Variants in ITGB1 observed in about 807,000 individuals in gnomAD.
ITGB1 encodes the protein integrin beta-1.
A neutral mutation model predicts 86.5 loss-of-function variants in ITGB1; 24 were observed. The ratio of observed to expected loss-of-function variants is 0.28; its 90% CI spans 0.20 to 0.39. The LOEUF (loss-of-function observed/expected upper bound fraction) is 0.39, where lower values mean the gene tolerates loss of function less well. ITGB1 is among the 10% of genes least tolerant of loss of function. The probability of loss-of-function intolerance (pLI) is 1.00; values close to 1 mark genes in which losing one functional copy is unlikely to be tolerated. For synonymous variants in ITGB1, 323 were observed against 316.8 expected, an observed-to-expected ratio of 1.02 and a Z score of -0.21; for missense variants, 556 against 946.9, an observed-to-expected ratio of 0.59 and a Z score of 5.42.
chr10:32,917,149 C>G lies in ITGB1; in HGVS notation c.1469+2736G>C, dbSNP rs557255874. On this transcript the variant is annotated intron_variant, in intron 11 of 15. Transcript: ENST00000302278. ...AAACTGGCTAGCCATATGGAGAAAG[C>G]TGAAACTGGATCCCTTCCTTACACC... Among the ~76,000 whole-genome samples the G allele has an allele frequency of 2.4e-3, 359 of 152,290 alleles. 2 individuals are homozygous for G. The highest frequency in any genetic ancestry group is 8.2e-3 in the African/African-American group (341 of 41,568).
At chr10:32,918,181 CT>C (rs1351128141) in intron 11 of ITGB1, among the ~76,000 whole-genome samples, 1 of 152,086 alleles carries the variant, frequency 6.6e-6, no homozygotes, top group African/African-American at 2.4e-5. Flanking sequence ...ACATCACACA[CT>C]GGGGCCTGTC....
At chr10:32,953,679 C>T (rs558061508) in intron 1 of ITGB1, 6 of 152,170 alleles carry the variant, frequency 3.9e-5, no homozygotes, top group Admixed American at 2.0e-4. Flanking sequence ...TGGAAACCAA[C>T]GCTCTGGAAG....
intron 1 of ITGB1, among the ~76,000 whole-genome samples, chr10:32,952,114 A>G (rs535139170): frequency 3.3e-5 from 5 of 152,312 alleles, no homozygotes; most frequent in East Asian, 1.9e-4. Context: ...TAGGAAAAAA[A>G]GTTTCTCATT....
chr10:32,912,915 G>C (rs1448073269), intron 11 of ITGB1, among the ~76,000 whole-genome samples: 2 of 152,212 alleles, frequency 1.3e-5, no homozygotes, highest in Admixed American at 1.3e-4. Context: ...CCTCCTAGTA[G>C]GGGCTGACTG....
At chr10:32,942,200 C>A (rs1221719969) in intron 1 of ITGB1, among the ~76,000 whole-genome samples, 1 of 152,188 alleles carries the variant, frequency 6.6e-6, no homozygotes, top group Non-Finnish European at 1.5e-5. Flanking sequence ...GGGGGTGGAT[C>A]ACCCTAAACA....
At chr10:32,955,069 TG>T (rs1415144216) in intron 1 of ITGB1, among the ~76,000 whole-genome samples, 1 of 152,224 alleles carries the variant, frequency 6.6e-6, no homozygotes, top group Non-Finnish European at 1.5e-5. Flanking sequence ...CCCTTTAAGC[TG>T]GGTACATACC....
At chr10:32,949,313 T>C (rs554404353) in intron 1 of ITGB1, among the ~76,000 whole-genome samples, 2 of 152,290 alleles carry the variant, frequency 1.3e-5, no homozygotes, top group East Asian at 1.9e-4. Context: ...ACCATCTGTA[T>C]CCAGAAGCTA....
chr10:32,913,254 T>C (rs538328523), intron 11 of ITGB1, among the ~76,000 whole-genome samples: 6 of 152,262 alleles, frequency 3.9e-5, no homozygotes, highest in Admixed American at 2.0e-4. Flanking sequence ...TTTGAGCACC[T>C]CTTCTCCTCC....
intron 1 of ITGB1, among the ~76,000 whole-genome samples, chr10:32,947,432 C>CGTGTGTGTGTGTGTGTGTGT (rs1186872641): frequency 0.013 from 1,749 of 137,306 alleles, 38 homozygotes; most frequent in South Asian, 0.027. Flanking sequence ...CACATATAGC[C>CGTGTGTGTGTGTGTGTGTGT]GTGTGTGTGT....
chr10:32,951,006 G>A (rs988304081), intron 1 of ITGB1, among the ~76,000 whole-genome samples: 7 of 152,158 alleles, frequency 4.6e-5, no homozygotes, highest in African/African-American at 7.2e-5. Context: ...GATATAGTAC[G>A]CATTGGCAAA....
intron 11 of ITGB1, among the ~76,000 whole-genome samples, chr10:32,917,886 CG>C (rs2094936978): frequency 6.6e-6 from 1 of 152,140 alleles, no homozygotes; most frequent in African/African-American, 2.4e-5. Context: ...TATAAAGACA[CG>C]TGCACACGTA....
intron 11 of ITGB1, among the ~76,000 whole-genome samples, chr10:32,919,467 C>G (rs1425275251): frequency 6.6e-6 from 1 of 152,172 alleles, no homozygotes; most frequent in Non-Finnish European, 1.5e-5. Flanking sequence ...TAGTACAAGA[C>G]AAACATCTTC....
chr10:32,910,542 G>T, intron 13 of ITGB1, 87 bp from the exon 14 acceptor site: 1 of 859,652 alleles, frequency 1.2e-6, no homozygotes, highest in Non-Finnish European at 1.8e-6. Context: ...CTAAACTCTT[G>T]TGACCAAATT....
intron 1 of ITGB1, among the ~76,000 whole-genome samples, chr10:32,938,978 T>A (rs1039676716): frequency 7.2e-5 from 11 of 152,118 alleles, no homozygotes; most frequent in Admixed American, 6.5e-5. Flanking sequence ...CCTTCCCTTC[T>A]ACCGGTACTG....
chr10:32,905,600 A>T (rs946263564), intron 15 of ITGB1, among the ~76,000 whole-genome samples: 1 of 152,212 alleles, frequency 6.6e-6, no homozygotes, highest in Admixed American at 6.5e-5. Flanking sequence ...CTGGAGCCCA[A>T]CTGCCTGGGT....
At chr10:32,919,282 TCA>T (rs1405416222) in intron 11 of ITGB1, among the ~76,000 whole-genome samples, 2 of 152,226 alleles carry the variant, frequency 1.3e-5, no homozygotes, top group Non-Finnish European at 2.9e-5. Flanking sequence ...CAATGTATAC[TCA>T]GTTTTTCATT....
chr10:32,926,033 T>C lies in ITGB1; in HGVS notation c.624A>G (p.Thr208=), dbSNP rs1454113074. The C allele has an allele frequency of 3.7e-6, 6 of 1,614,160 alleles. No homozygotes were observed. The highest frequency in any genetic ancestry group is 5.1e-6 in the Non-Finnish European group (6 of 1,180,018). Residue 208 remains threonine, a synonymous_variant, in exon 6 of 16, where the codon ACA becomes ACG. Coordinates refer to ENST00000302278, the MANE Select transcript of ITGB1 (RefSeq NM_002211.4). Reference sequence around the variant, plus strand: ...ATGGGCTGGTGCAGTTCTGTTCACTTGTGCAAGGGTTCCTGAGCTTAGCTG... The same window carrying C: ...ATGGGCTGGTGCAGTTCTGTTCACTCGTGCAAGGGTTCCTGAGCTTAGCTG... ...TTPAKLRNPC[T]SEQNCTSPFS... is the part of the protein sequence containing the mutation.
intron 11 of ITGB1, 145 bp downstream of exon 11, chr10:32,919,740 A>C: frequency 1.6e-6 from 1 of 616,012 alleles, no homozygotes; most frequent in South Asian, 2.3e-5. Context: ...CAAGATCATC[A>C]AACTGATCTT....
chr10:32,917,475 A>G (rs955418908), intron 11 of ITGB1, among the ~76,000 whole-genome samples: 1 of 152,186 alleles, frequency 6.6e-6, no homozygotes, highest in Non-Finnish European at 1.5e-5. Context: ...GAATCTACAA[A>G]GAACTCCAAC....
Sources: gnomAD v4.1 joint callset for allele counts (sites outside exome capture counted in the v4.1 genomes callset) on GRCh38, gnomAD v4.1.1 for gene constraint, MANE v1.5 for transcripts, NCBI Gene and HGNC (gene_info 2026-07-23, HGNC 2026-07-21) for gene names.